EEPD1: variants seen among roughly 807,000 people sequenced by gnomAD.
EEPD1 encodes the protein endonuclease/exonuclease/phosphatase family domain-containing protein 1.
A neutral mutation model predicts 46.3 loss-of-function variants in EEPD1; 17 were observed. The observed-to-expected ratio is 0.37, with a 90% CI of 0.25 to 0.55. The LOEUF is 0.55. Among genes scored for constraint, EEPD1 ranks in the 20% least tolerant of loss-of-function variants. EEPD1 has a pLI of 0.83. For missense variants in EEPD1, 673 were observed against 745.6 expected (o/e 0.90, Z 1.13); for synonymous variants, 313 against 315.6 (o/e 0.99, Z 0.09).
chr7:36,177,838 C>T lies in EEPD1; in HGVS notation c.878+22636C>T, dbSNP rs141282477. On this transcript the variant is annotated intron_variant, in intron 2 of 7. Coordinates refer to ENST00000242108, the MANE Select transcript of EEPD1 (RefSeq NM_030636.3). ...AAGCAATTCTCCTGCCTCAACCTCCCGAGTAGCTAGGATTACGGGTGCGCA... is the reference window on the plus strand; with the variant it reads ...AAGCAATTCTCCTGCCTCAACCTCCTGAGTAGCTAGGATTACGGGTGCGCA... 2.6e-3 allele frequency among the ~76,000 whole-genome samples: 393 copies of T among 152,196 alleles called. 1 individual carries two copies. Among genetic ancestry groups the T allele is most frequent in the South Asian group, 5.0e-3 (24 of 4,820 alleles).
chr7:36,190,815 G>A (rs1179080299), intron 2 of EEPD1, among the ~76,000 whole-genome samples: 1 of 152,224 alleles, frequency 6.6e-6, no homozygotes, highest in Non-Finnish European at 1.5e-5. Context: ...CCAGGTTACT[G>A]TTAGAAAGGA....
At chr7:36,197,584 C>T (rs1214856588) in intron 2 of EEPD1, among the ~76,000 whole-genome samples, 1 of 152,192 alleles carries the variant, frequency 6.6e-6, no homozygotes, top group Admixed American at 6.5e-5. Context: ...AATTCTTCTG[C>T]CTTGGGATCC....
At chr7:36,161,720 C>T (rs142487212) in intron 2 of EEPD1, among the ~76,000 whole-genome samples, 7 of 152,170 alleles carry the variant, frequency 4.6e-5, no homozygotes, top group African/African-American at 1.7e-4. Context: ...TGACCTTCCC[C>T]AGCCTGGGAA....
chr7:36,190,467 T>C (rs771375462), intron 2 of EEPD1, among the ~76,000 whole-genome samples: 1 of 152,218 alleles, frequency 6.6e-6, no homozygotes, highest in African/African-American at 2.4e-5. Flanking sequence ...CCCACTCTCA[T>C]TCCTGTGACA....
intron 2 of EEPD1, among the ~76,000 whole-genome samples, chr7:36,160,676 T>TGGGGGTGGGGGGG (rs1784888621): frequency 5.5e-5 from 2 of 36,486 alleles, no homozygotes; most frequent in Admixed American, 2.2e-4. Context: ...TGGGAGGTGG[T>TGGGGGTGGGGGGG]GGGGGGCGGG....
At chr7:36,296,922 A>G in intron 6 of EEPD1, 71 bp from the exon 7 acceptor site, 2 of 1,522,214 alleles carry the variant, frequency 1.3e-6, no homozygotes, top group Non-Finnish European at 1.8e-6. Context: ...TCCCGTTTCA[A>G]AGGGCCACGG....
chr7:36,268,015 C>A (rs196573), intron 3 of EEPD1, among the ~76,000 whole-genome samples: 21,925 of 152,202 alleles, frequency 0.14, 1,824 homozygotes, highest in Non-Finnish European at 0.18. Context: ...GGTCTTGGAC[C>A]TCCAGCTTCC....
chr7:36,196,780 C>T (rs62445404), intron 2 of EEPD1, among the ~76,000 whole-genome samples: 95,554 of 152,024 alleles, frequency 0.63, 30,651 homozygotes, highest in East Asian at 0.87. Context: ...ACCTCCCAGC[C>T]GCCTGCCTTG....
At chr7:36,209,427 G>C (rs1785883860) in intron 2 of EEPD1, among the ~76,000 whole-genome samples, 1 of 152,218 alleles carries the variant, frequency 6.6e-6, no homozygotes. Flanking sequence ...GGATTGTAGA[G>C]CCAAGCCTGA....
chr7:36,213,814 G>C, intron 2 of EEPD1, among the ~76,000 whole-genome samples: 1 of 152,050 alleles, frequency 6.6e-6, no homozygotes, highest in Non-Finnish European at 1.5e-5. Flanking sequence ...GTACCCCCCC[G>C]GATTGTCGGC....
intron 2 of EEPD1, among the ~76,000 whole-genome samples, chr7:36,208,319 C>G (rs545536500): frequency 6.6e-6 from 1 of 152,302 alleles, no homozygotes; most frequent in South Asian, 2.1e-4. Context: ...TGTATTCCCC[C>G]TCCCTCATTT....
intron 2 of EEPD1, among the ~76,000 whole-genome samples, chr7:36,213,402 A>G (rs909418487): frequency 2.6e-5 from 4 of 152,122 alleles, no homozygotes; most frequent in African/African-American, 9.7e-5. Flanking sequence ...CTCATTTACC[A>G]TGTTGAGTTT....
intron 2 of EEPD1, among the ~76,000 whole-genome samples, chr7:36,236,215 C>T (rs1475178507): frequency 6.6e-6 from 1 of 152,246 alleles, no homozygotes; most frequent in African/African-American, 2.4e-5. Flanking sequence ...CTTCAGCCGG[C>T]GGCTGCGCTG....
intron 2 of EEPD1, among the ~76,000 whole-genome samples, chr7:36,180,040 C>T (rs986119073): frequency 1.3e-5 from 2 of 152,190 alleles, no homozygotes; most frequent in African/African-American, 2.4e-5. Flanking sequence ...CAAACTGAGC[C>T]GTGGCTCCCA....
chr7:36,270,397 T>G (rs939662433), intron 3 of EEPD1, among the ~76,000 whole-genome samples: 2 of 152,158 alleles, frequency 1.3e-5, no homozygotes, highest in Admixed American at 6.5e-5. Context: ...CCATGGTGGT[T>G]TGCTGAACCC....
intron 2 of EEPD1, among the ~76,000 whole-genome samples, chr7:36,200,500 G>A (rs374287532): frequency 4.6e-5 from 7 of 152,160 alleles, no homozygotes; most frequent in African/African-American, 1.7e-4. Flanking sequence ...GCATCACATT[G>A]CTTTAAGCAT....
At chr7:36,162,752 G>A (rs1024375029) in intron 2 of EEPD1, among the ~76,000 whole-genome samples, 2 of 152,196 alleles carry the variant, frequency 1.3e-5, no homozygotes, top group African/African-American at 2.4e-5. Context: ...CTTGTTTCCT[G>A]TGAATTCTAT....
chr7:36,184,811 A>C (rs1785335733), intron 2 of EEPD1, among the ~76,000 whole-genome samples: 2 of 152,006 alleles, frequency 1.3e-5, no homozygotes, highest in Admixed American at 1.3e-4. Flanking sequence ...GCTCACTGCA[A>C]CCTCTGCCTC....
At chr7:36,176,438 G>A (rs753058427) in intron 2 of EEPD1, among the ~76,000 whole-genome samples, 25 of 152,194 alleles carry the variant, frequency 1.6e-4, no homozygotes, top group Non-Finnish European at 2.9e-4. Flanking sequence ...TGGGAGCCTC[G>A]TGAATTCCGC....
Sources: gnomAD v4.1 joint callset for allele counts (sites outside exome capture counted in the v4.1 genomes callset) on GRCh38, gnomAD v4.1.1 for gene constraint, MANE v1.5 for transcripts, NCBI Gene and HGNC (gene_info 2026-07-23, HGNC 2026-07-21) for gene names.